HACE1: variants seen among roughly 807,000 people sequenced by gnomAD.
HACE1 encodes the protein HECT domain and ankyrin repeat containing E3 ubiquitin protein ligase 1, also known as E3 ubiquitin-protein ligase HACE1.
Under a neutral mutation model 118.4 loss-of-function variants are expected in HACE1, and 73 were observed. That is an observed-to-expected ratio of 0.62 (90% CI 0.51 to 0.75). The LOEUF is 0.75. HACE1 is among the 30% of genes least tolerant of loss of function. The pLI, the probability that HACE1 is intolerant of heterozygous loss-of-function variation, is 0.00. For synonymous variants in HACE1, 368 were observed against 374.8 expected, an observed-to-expected ratio of 0.98 and a Z score of 0.21; for missense variants, 749 against 1,102.2, an observed-to-expected ratio of 0.68 and a Z score of 4.54.
In HACE1 at chr6:104,843,227, G is replaced by A. The variant is rs1449756927; in HGVS notation, c.398C>T (p.Thr133Ile). 2 of 1,420,604 alleles carry A rather than the reference G, an allele frequency of 1.4e-6. No individual in the cohort carries two copies. Among genetic ancestry groups the A allele is most frequent in the East Asian group, 2.3e-5 (1 of 43,970 alleles). 88.0% of individuals were successfully genotyped at this position (1,420,604 alleles called of 1,614,324 possible). A position where few individuals can be genotyped will look rare whatever the true frequency, so the allele number is the denominator to read the frequency against. ...DVNICNNEGL[T>I]AIHWLAVNGR... ...GATGAAATTGATAGCACTTACTGCT[G>A]TAAGGCCTTCATTATTACAAATGTT... Residue 133 changes from threonine to isoleucine, a missense_variant, in exon 5 of 24, where the codon ACA (threonine) becomes ATA (isoleucine). By Grantham distance (89) the Thr-to-Ile change is moderately conservative. This residue lies in a region of HACE1 where 120 missense variants were observed against 219.1 expected (regional missense o/e 0.55). Coordinates refer to ENST00000262903, the MANE Select transcript of HACE1 (RefSeq NM_020771.4).
At chr6:104,744,655 A>C (rs572837633) in intron 20 of HACE1, 45 bp from the exon 21 acceptor site, 3 of 1,097,420 alleles carry the variant, frequency 2.7e-6, no homozygotes, top group Non-Finnish European at 4.2e-6. Flanking sequence ...CTTTAGGGAA[A>C]AAAGTTATTA....
At chr6:104,777,512 C>A (rs1056651339) in intron 14 of HACE1, among the ~76,000 whole-genome samples, 195 bp from the exon 15 acceptor site, 1 of 152,122 alleles carries the variant, frequency 6.6e-6, no homozygotes, top group Non-Finnish European at 1.5e-5. Flanking sequence ...AATAGTTTGA[C>A]TACCTAGAGA....
intron 7 of HACE1, among the ~76,000 whole-genome samples, chr6:104,809,136 T>C (rs1354287611): frequency 6.6e-6 from 1 of 152,198 alleles, no homozygotes; most frequent in Non-Finnish European, 1.5e-5. Flanking sequence ...TTCAAAAACA[T>C]CTACTATGCA....
At chr6:104,820,326 T>C (rs58556492) in intron 6 of HACE1, among the ~76,000 whole-genome samples, 5,206 of 148,782 alleles carry the variant, frequency 0.035, 283 homozygotes, top group African/African-American at 0.12. Flanking sequence ...GGAACAAGAG[T>C]AAAAATTGGA....
chr6:104,806,285 G>C (rs550326249), intron 7 of HACE1, among the ~76,000 whole-genome samples: 1 of 152,128 alleles, frequency 6.6e-6, no homozygotes, highest in Non-Finnish European at 1.5e-5. Context: ...GACATACCTT[G>C]ACTTTATTAA....
At chr6:104,834,125 T>A (rs1439650769) in intron 5 of HACE1, among the ~76,000 whole-genome samples, 2 of 151,988 alleles carry the variant, frequency 1.3e-5, no homozygotes, top group Non-Finnish European at 2.9e-5. Context: ...CCTACCTGTG[T>A]GACAGAATGA....
At chr6:104,803,256 C>T (rs1770597228) in intron 7 of HACE1, among the ~76,000 whole-genome samples, 1 of 152,124 alleles carries the variant, frequency 6.6e-6, no homozygotes, top group South Asian at 2.1e-4. Flanking sequence ...CGAATTCTAC[C>T]AGAGGTACAA....
chr6:104,854,077 T>C (rs1024181877), intron 1 of HACE1, among the ~76,000 whole-genome samples: 2 of 152,276 alleles, frequency 1.3e-5, no homozygotes, highest in East Asian at 3.9e-4. Context: ...AAGCTGCAGA[T>C]GAGGGTGGAC....
At chr6:104,770,688 C>A (rs1780507597) in intron 19 of HACE1, among the ~76,000 whole-genome samples, 2 of 152,192 alleles carry the variant, frequency 1.3e-5, no homozygotes, top group African/African-American at 4.8e-5. Context: ...CACTGCGCTC[C>A]AGCCTGGGTG....
chr6:104,772,127 A>T, intron 17 of HACE1, 53 bp from the exon 18 acceptor site: 3 of 1,022,768 alleles, frequency 2.9e-6, no homozygotes, highest in Non-Finnish European at 4.5e-6. Flanking sequence ...ATGCAGAAGA[A>T]AGATTACTTC....
At chr6:104,833,798 G>A (rs536470915) in intron 5 of HACE1, among the ~76,000 whole-genome samples, 9 of 152,170 alleles carry the variant, frequency 5.9e-5, no homozygotes, top group South Asian at 2.1e-4. Context: ...CATCTTGGCC[G>A]ACATGGTGAA....
At chr6:104,730,508 C>G in intron 22 of HACE1, 92 bp from the exon 23 acceptor site, 1 of 733,816 alleles carries the variant, frequency 1.4e-6, no homozygotes, top group South Asian at 1.4e-5. Context: ...AGGAATATAT[C>G]CAACTCTAGG....
In HACE1 at chr6:104,834,437, C is replaced by T. The variant is rs568744711; in HGVS notation, c.403-1264G>A. On this transcript the variant is annotated intron_variant, in intron 5 of 23. Transcript: ENST00000262903. ...ATATAAAACACCTATAAGTCTACCA[C>T]TCAAAGATAATCAATGTTAAAACTC... Among the ~76,000 whole-genome samples, 7 of 152,288 alleles carry T rather than the reference C, an allele frequency of 4.6e-5. No homozygotes were observed. In the East Asian group the frequency reaches 1.4e-3, roughly 29 times the overall value.
At chr6:104,774,809 A>T (rs1184659562) in intron 17 of HACE1, among the ~76,000 whole-genome samples, 1 of 152,250 alleles carries the variant, frequency 6.6e-6, no homozygotes, top group East Asian at 1.9e-4. Flanking sequence ...ACAAATTCAT[A>T]ACAAATATAC....
chr6:104,859,548 G>C lies in HACE1; in HGVS notation c.76+19C>G. ...CGCCCCCAGCCCCGCGGCCAGCCTG[G>C]CCCCGCGACCCGGCTCACCCTCGGG... On this transcript the variant is annotated intron_variant, in intron 1 of 23. Coordinates refer to ENST00000262903, the MANE Select transcript of HACE1 (RefSeq NM_020771.4). 6.6e-7 allele frequency: 1 copy of C among 1,508,652 alleles called. No individual in the cohort carries two copies. Among genetic ancestry groups the C allele is most frequent in the Non-Finnish European group, 8.8e-7 (1 of 1,133,658 alleles). 93.5% of individuals were successfully genotyped at this position (1,508,652 alleles called of 1,614,324 possible).
chr6:104,825,081 C>CA (rs575106170), intron 6 of HACE1, among the ~76,000 whole-genome samples: 16,816 of 92,232 alleles, frequency 0.18, 1,150 homozygotes, highest in Admixed American at 0.22. Context: ...GACTCCGTCT[C>CA]AAAAAAAAAA....
chr6:104,772,582 CTT>C (rs1202741436), intron 17 of HACE1, among the ~76,000 whole-genome samples: 4 of 152,100 alleles, frequency 2.6e-5, no homozygotes. Context: ...TACAACTGCT[CTT>C]AAGTGACAGG....
At chr6:104,826,571 C>G (rs1294189064) in intron 6 of HACE1, among the ~76,000 whole-genome samples, 1 of 152,198 alleles carries the variant, frequency 6.6e-6, no homozygotes, top group Non-Finnish European at 1.5e-5. Context: ...GTCATACCTT[C>G]TATTTTTAAA....
intron 14 of HACE1, among the ~76,000 whole-genome samples, chr6:104,779,528 T>C (rs1045729039): frequency 1.8e-4 from 28 of 152,200 alleles, no homozygotes; most frequent in African/African-American, 6.8e-4. Context: ...AGCACTGGTG[T>C]TATATGCATT....
Sources: gnomAD v4.1 joint callset for allele counts (sites outside exome capture counted in the v4.1 genomes callset) on GRCh38, gnomAD v4.1.1 for gene constraint, gnomAD v4.1.1 regional missense constraint, MANE v1.5 for transcripts, NCBI Gene and HGNC (gene_info 2026-07-23, HGNC 2026-07-21) for gene names.